Variants in ABLIM1 observed in about 807,000 individuals in gnomAD.
ABLIM1 encodes the protein actin binding LIM protein 1.
Under a neutral mutation model 107.0 loss-of-function variants are expected in ABLIM1, and 40 were observed. The ratio of observed to expected loss-of-function variants is 0.37; its 90% CI spans 0.29 to 0.49. ABLIM1 has a LOEUF of 0.49. ABLIM1 is among the 20% of genes least tolerant of loss of function. The probability of loss-of-function intolerance (pLI) is 0.97; values close to 1 mark genes in which losing one functional copy is unlikely to be tolerated. For synonymous variants in ABLIM1, 357 were observed against 357.3 expected (o/e 1.00, Z 0.01); for missense variants, 857 against 1,008.5 (o/e 0.85, Z 2.04).
chr10:114,477,883 C>T (rs1282309113), intron 8 of ABLIM1, among the ~76,000 whole-genome samples: 1 of 152,176 alleles, frequency 6.6e-6, no homozygotes, highest in African/African-American at 2.4e-5. Flanking sequence ...TGCCACCCAC[C>T]CAGCTAATTT....
At chr10:114,782,403 C>G in the ABLIM1 span, among the ~76,000 whole-genome samples, 11 of 152,138 alleles carry the variant, frequency 7.2e-5, no homozygotes, top group South Asian at 4.1e-4. Context: ...GAACTACCCA[C>G]AGAAAGAGCA....
chr10:114,789,211 T>C, the ABLIM1 span, among the ~76,000 whole-genome samples: 5 of 151,466 alleles, frequency 3.3e-5, no homozygotes, highest in Non-Finnish European at 7.4e-5. Context: ...GCCGAGATCA[T>C]ACCACTGCAC....
chr10:114,515,188 G>A (rs1273495474), intron 6 of ABLIM1, among the ~76,000 whole-genome samples: 2 of 152,186 alleles, frequency 1.3e-5, no homozygotes, highest in African/African-American at 4.8e-5. Flanking sequence ...CACAAATTGG[G>A]CCAGCTACCC....
intron 1 of ABLIM1, among the ~76,000 whole-genome samples, chr10:114,731,530 T>C (rs1046203519): frequency 1.3e-5 from 2 of 151,866 alleles, no homozygotes; most frequent in Non-Finnish European, 2.9e-5. Context: ...GGCATGACCT[T>C]GGCTCACTGC....
intron 1 of ABLIM1, among the ~76,000 whole-genome samples, chr10:114,732,180 C>CTTTTTTTTTTT (rs113276247): frequency 1.2e-3 from 137 of 109,858 alleles, no homozygotes; most frequent in Non-Finnish European, 1.7e-3. Flanking sequence ...CTTTTCTTTT[C>CTTTTTTTTTTT]TTTTTTTTTT....
At chr10:114,488,537 C>T (rs1454162638) in intron 7 of ABLIM1, among the ~76,000 whole-genome samples, 1 of 152,178 alleles carries the variant, frequency 6.6e-6, no homozygotes, top group Non-Finnish European at 1.5e-5. Context: ...GAGAAACCAA[C>T]TAGTAGAAAG....
At chr10:114,596,586 T>G (rs1192782935) in intron 2 of ABLIM1, among the ~76,000 whole-genome samples, 2 of 152,104 alleles carry the variant, frequency 1.3e-5, no homozygotes, top group African/African-American at 2.4e-5. Context: ...TGTCAGGCAT[T>G]TTAGAAAGTG....
intron 1 of ABLIM1, among the ~76,000 whole-genome samples, chr10:114,711,993 G>A (rs1222078637): frequency 1.3e-5 from 2 of 152,102 alleles, no homozygotes; most frequent in Non-Finnish European, 2.9e-5. Context: ...GGAGGAGCAT[G>A]TGGAAAATAT....
chr10:114,650,763 T>G (rs1021628423), intron 1 of ABLIM1, among the ~76,000 whole-genome samples: 12 of 152,338 alleles, frequency 7.9e-5, no homozygotes, highest in Admixed American at 3.9e-4. Context: ...TACTTTCTCT[T>G]TCCCTTCAGT....
At chr10:114,695,854 G>T (rs2081183533) in intron 1 of ABLIM1, among the ~76,000 whole-genome samples, 1 of 152,152 alleles carries the variant, frequency 6.6e-6, no homozygotes, top group African/African-American at 2.4e-5. Flanking sequence ...GATCGTAAGA[G>T]ATTATGAGGA....
intron 1 of ABLIM1, among the ~76,000 whole-genome samples, chr10:114,728,955 T>C (rs1442403588): frequency 2.0e-5 from 3 of 152,168 alleles, no homozygotes; most frequent in African/African-American, 4.8e-5. Flanking sequence ...TTTTCCAATA[T>C]GCAGTTAAGG....
chr10:114,523,300 GC>G (rs2064057775), intron 6 of ABLIM1, among the ~76,000 whole-genome samples: 1 of 152,032 alleles, frequency 6.6e-6, no homozygotes, highest in Non-Finnish European at 1.5e-5. Context: ...CAAGACATCT[GC>G]CCCATCTGCA....
intron 10 of ABLIM1, 134 bp from the exon 11 acceptor site, chr10:114,468,350 C>G: frequency 1.4e-6 from 1 of 740,374 alleles, no homozygotes; most frequent in South Asian, 1.5e-5. Context: ...TCTCGGTTTA[C>G]TGCAATCTCC....
chr10:114,701,784 AG>A (rs1283601632), intron 1 of ABLIM1, among the ~76,000 whole-genome samples: 3 of 152,180 alleles, frequency 2.0e-5, no homozygotes, highest in Non-Finnish European at 4.4e-5. Flanking sequence ...GAATTTCTGG[AG>A]ATATGAAAAT....
At chr10:114,716,426 C>CAA (rs2081664077) in intron 1 of ABLIM1, among the ~76,000 whole-genome samples, 1 of 151,662 alleles carries the variant, frequency 6.6e-6, no homozygotes, top group African/African-American at 2.4e-5. Context: ...CACACACACA[C>CAA]ACACACACAC....
rs1033471322 is a variant in ABLIM1, at chr10:114,658,142, T to C, written c.59A>G (p.Lys20Arg). Residue 20 changes from lysine to arginine, a missense_variant, in exon 1 of 23, where the codon AAA becomes AGA. Physicochemically the swap from Lys to Arg is conservative, Grantham distance 26. Coordinates refer to ENST00000533213, the MANE Select transcript of ABLIM1 (RefSeq NM_002313.7). ...LGKLCSSEKSKVTSSERTSAR... is the reference protein window; with the variant it reads ...LGKLCSSEKSRVTSSERTSAR... ...ACTGGTTCTCTCAGATGAGGTGACT[T>C]TGCTTTTCTCAGAGCTGCACAATTT... 1 of 1,614,056 alleles carries C rather than the reference T, an allele frequency of 6.2e-7. No individual in the cohort carries two copies. The highest frequency in any genetic ancestry group is 8.5e-7 in the Non-Finnish European group (1 of 1,179,972).
rs146740172 is a variant in ABLIM1, at chr10:114,554,514, T to C, written c.674-6738A>G. On this transcript the variant is annotated intron_variant, in intron 4 of 22. Transcript: ENST00000533213. Reference sequence around the variant, plus strand: ...GAATTCAAGACCAGCCTAGGCAATATAGTGAGACCCCCGTCTCTACAGAAA... The same window carrying C: ...GAATTCAAGACCAGCCTAGGCAATACAGTGAGACCCCCGTCTCTACAGAAA... 4.2e-3 allele frequency among the ~76,000 whole-genome samples: 640 copies of C among 152,238 alleles called. 3 individuals are homozygous for C. Among genetic ancestry groups the C allele is most frequent in the African/African-American group, 0.015 (615 of 41,548 alleles).
At chr10:114,523,123 C>T (rs967314019) in intron 6 of ABLIM1, among the ~76,000 whole-genome samples, 2 of 152,080 alleles carry the variant, frequency 1.3e-5, no homozygotes, top group Non-Finnish European at 2.9e-5. Flanking sequence ...TGCACTCCAG[C>T]CTGGGTGACA....
At chr10:114,569,881 C>T (rs552989594) in intron 4 of ABLIM1, among the ~76,000 whole-genome samples, 1 of 152,334 alleles carries the variant, frequency 6.6e-6, no homozygotes, top group South Asian at 2.1e-4. Context: ...AGGATCCAGT[C>T]ATGTGTGCTG....
Sources: gnomAD v4.1 joint callset for allele counts (sites outside exome capture counted in the v4.1 genomes callset) on GRCh38, gnomAD v4.1.1 for gene constraint, MANE v1.5 for transcripts, NCBI Gene and HGNC (gene_info 2026-07-23, HGNC 2026-07-21) for gene names.